PPFIA2: variants seen among roughly 807,000 people sequenced by gnomAD.
The protein encoded by PPFIA2 is PPFI scaffold protein A2.
A neutral mutation model predicts 175.5 loss-of-function variants in PPFIA2; 46 were observed. The ratio of observed to expected loss-of-function variants is 0.26; its 90% confidence interval spans 0.21 to 0.34. The LOEUF (loss-of-function observed/expected upper bound fraction) is 0.34. Ranked by LOEUF, PPFIA2 falls within the 10% of genes least tolerant of loss-of-function variation. The pLI is 1.00. For missense variants in PPFIA2, 1,179 were observed against 1,506.1 expected (o/e 0.78, Z 3.60); for synonymous variants, 568 against 511.4 (o/e 1.11, Z -1.49).
At chr12:81,375,992 A>C in intron 9 of PPFIA2, 50 bp from the exon 10 acceptor site, 1 of 1,491,052 alleles carries the variant, frequency 6.7e-7, no homozygotes, top group Non-Finnish European at 9.2e-7. Context: ...CAGATTGTTT[A>C]ATTATTGTCT....
chr12:81,321,951 C>T (rs2053751319), intron 22 of PPFIA2, among the ~76,000 whole-genome samples: 1 of 152,160 alleles, frequency 6.6e-6, no homozygotes, highest in Non-Finnish European at 1.5e-5. Flanking sequence ...CCTCCTGTCT[C>T]AGCCTTAGGA....
intron 4 of PPFIA2, among the ~76,000 whole-genome samples, chr12:81,664,563 A>G (rs890010005): frequency 3.3e-5 from 5 of 152,084 alleles, no homozygotes; most frequent in African/African-American, 1.2e-4. Flanking sequence ...ATGTGGAGAA[A>G]TAGGAACACT....
chr12:81,302,627 A>C lies in PPFIA2; in HGVS notation c.2643-3245T>G, dbSNP rs906063934. The C allele has an allele frequency of 3.2e-5, 14 of 444,296 alleles. No individual in the cohort carries two copies. The Middle Eastern group carries it at 1.0e-3, about 32-fold the overall frequency. 27.5% of individuals were successfully genotyped at this position (444,296 alleles called of 1,614,324 possible). On this transcript the variant is annotated intron_variant, in intron 22 of 32. Coordinates refer to ENST00000549396, the MANE Select transcript of PPFIA2 (RefSeq NM_003625.5). ...TTGAGACTGTGGAAAAACGGATCAG[A>C]TGGGAGGGATGGCTAGGTTTTACAC...
intron 21 of PPFIA2, among the ~76,000 whole-genome samples, chr12:81,328,131 A>G (rs1390581185): frequency 6.6e-6 from 1 of 152,130 alleles, no homozygotes; most frequent in Non-Finnish European, 1.5e-5. Flanking sequence ...TCACTCATCT[A>G]ATGTTTATCT....
intron 3 of PPFIA2, among the ~76,000 whole-genome samples, chr12:81,688,762 T>A (rs1470807491): frequency 1.3e-5 from 2 of 148,472 alleles, no homozygotes; most frequent in East Asian, 4.0e-4. Context: ...GGCAGAATTT[T>A]TTGTGAACTG....
intron 19 of PPFIA2, among the ~76,000 whole-genome samples, chr12:81,342,964 A>AATAATC (rs939223101): frequency 2.0e-5 from 3 of 151,214 alleles, no homozygotes; most frequent in Admixed American, 1.3e-4. Flanking sequence ...TAATAATAAT[A>AATAATC]ATAATAATAA....
intron 3 of PPFIA2, among the ~76,000 whole-genome samples, chr12:81,705,008 T>C (rs1247588655): frequency 2.3e-5 from 3 of 129,818 alleles, no homozygotes; most frequent in Non-Finnish European, 4.7e-5. Context: ...CATTTGAACC[T>C]GGGAGGCAGA....
chr12:81,345,052 T>C (rs2058813295), intron 18 of PPFIA2, among the ~76,000 whole-genome samples: 2 of 152,030 alleles, frequency 1.3e-5, no homozygotes, highest in African/African-American at 4.8e-5. Flanking sequence ...TTCAAGAAAA[T>C]ATTATTGGGA....
Position 81,347,505 on chromosome 12 carries a change from C to G in PPFIA2, c.2232+28G>C, listed in dbSNP as rs768325445. The G allele has an allele frequency of 6.5e-6, 10 of 1,550,374 alleles. No individual in the cohort carries two copies. In the African/African-American group the frequency reaches 1.4e-4, roughly 21 times the overall value. On this transcript the variant is annotated intron_variant, in intron 18 of 32. Coordinates refer to ENST00000549396, the MANE Select transcript of PPFIA2 (RefSeq NM_003625.5). ...AAGCATCATTAATCTTAACAGGAGG[C>G]AAAGGTTCTCTGGACACATCACCAT...
chr12:81,453,491 A>C (rs1187321312), intron 5 of PPFIA2, among the ~76,000 whole-genome samples: 2 of 152,098 alleles, frequency 1.3e-5, no homozygotes, highest in Non-Finnish European at 2.9e-5. Context: ...TTTTCTATAA[A>C]TATAACCTTC....
chr12:81,723,222 T>C (rs756711542), intron 3 of PPFIA2, among the ~76,000 whole-genome samples: 19 of 151,068 alleles, frequency 1.3e-4, no homozygotes, highest in Non-Finnish European at 2.8e-4. Context: ...TATCTCAAAA[T>C]GCTAACTAGT....
At chr12:81,643,070 CAT>C (rs1012996824) in intron 4 of PPFIA2, among the ~76,000 whole-genome samples, 4 of 146,886 alleles carry the variant, frequency 2.7e-5, no homozygotes, top group Non-Finnish European at 3.0e-5. Flanking sequence ...ATATATTTTA[CAT>C]ATATGTTATA....
intron 2 of PPFIA2, 67 bp from the exon 3 acceptor site, chr12:81,754,290 C>G (rs1468206772): frequency 4.0e-6 from 6 of 1,509,004 alleles, no homozygotes; most frequent in Non-Finnish European, 5.4e-6. Context: ...ATTTGGAGAG[C>G]AATTCACTAA....
chr12:81,630,836 T>C (rs1291236720), intron 4 of PPFIA2, among the ~76,000 whole-genome samples: 1 of 151,454 alleles, frequency 6.6e-6, no homozygotes, highest in East Asian at 1.9e-4. Context: ...AGAATTGTGC[T>C]TCCAGGCCCT....
At chr12:81,460,454 A>G (rs2054329342) in intron 4 of PPFIA2, among the ~76,000 whole-genome samples, 2 of 152,056 alleles carry the variant, frequency 1.3e-5, no homozygotes, top group Admixed American at 1.3e-4. Flanking sequence ...AAAAGAACTA[A>G]CACAACTACA....
At chr12:81,375,492 C>A (rs2036151872) in intron 10 of PPFIA2, among the ~76,000 whole-genome samples, 1 of 152,060 alleles carries the variant, frequency 6.6e-6, no homozygotes, top group African/African-American at 2.4e-5. Flanking sequence ...ACGCCACCTA[C>A]TTCATAGGTG....
At chr12:81,753,538 A>C (rs1306861317) in intron 3 of PPFIA2, among the ~76,000 whole-genome samples, 1 of 152,164 alleles carries the variant, frequency 6.6e-6, no homozygotes, top group Non-Finnish European at 1.5e-5. Flanking sequence ...AAAAAAAAAA[A>C]ACAATAGTTG....
intron 4 of PPFIA2, among the ~76,000 whole-genome samples, chr12:81,597,739 T>A (rs12227811): frequency 0.082 from 4,183 of 51,084 alleles, 70 homozygotes; most frequent in East Asian, 0.3. Context: ...AAAATTGTGT[T>A]CACTATTTTT....
At chr12:81,529,950 C>T (rs2064283346) in intron 4 of PPFIA2, among the ~76,000 whole-genome samples, 1 of 151,894 alleles carries the variant, frequency 6.6e-6, no homozygotes, top group Admixed American at 6.6e-5. Flanking sequence ...CAAACCTGCA[C>T]ATGTACCCCT....
Sources: allele counts gnomAD v4.1 joint callset (sites outside exome capture counted in the v4.1 genomes callset), GRCh38; gene constraint gnomAD v4.1.1; transcripts MANE v1.5; gene names NCBI Gene and HGNC (gene_info 2026-07-23, HGNC 2026-07-21).